Variants in SH3GL2 observed in about 807,000 individuals in gnomAD.
The protein encoded by SH3GL2 is endophilin-A1.
In SH3GL2, 24 loss-of-function variants were observed where a neutral mutation model predicts 46.0. That is an observed-to-expected ratio of 0.52 (90% CI 0.38 to 0.73). The LOEUF is 0.73. Ranked by LOEUF, SH3GL2 falls within the 30% of genes least tolerant of loss-of-function variation. SH3GL2 has a pLI of 0.00. For missense variants in SH3GL2, 413 were observed against 424.2 expected (o/e 0.97, Z 0.23); for synonymous variants, 196 against 147.1 (o/e 1.33, Z -2.40).
intron 1 of SH3GL2, among the ~76,000 whole-genome samples, chr9:17,594,009 G>A (rs149839985): frequency 1.9e-3 from 295 of 152,220 alleles, no homozygotes; most frequent in African/African-American, 6.7e-3. Context: ...AGGTTCTGAC[G>A]TTCTGTGCTT....
intron 3 of SH3GL2, among the ~76,000 whole-genome samples, chr9:17,779,076 AG>A (rs1274569176): frequency 2.6e-5 from 4 of 152,092 alleles, no homozygotes; most frequent in African/African-American, 9.7e-5. Flanking sequence ...TGCCAACTCA[AG>A]GAGGTGATAC....
intron 3 of SH3GL2, among the ~76,000 whole-genome samples, chr9:17,773,866 A>C (rs561919344): frequency 6.6e-6 from 1 of 152,214 alleles, no homozygotes; most frequent in Non-Finnish European, 1.5e-5. Context: ...GATTGCATTG[A>C]ATCTTTAGAT....
chr9:17,645,161 T>TC (rs924111252), intron 1 of SH3GL2, among the ~76,000 whole-genome samples: 3 of 61,744 alleles, frequency 4.9e-5, no homozygotes, highest in African/African-American at 1.8e-4. Context: ...CTTTTTTTTT[T>TC]TTTTTTTTTT....
chr9:17,698,002 C>T (rs972921656), intron 1 of SH3GL2, among the ~76,000 whole-genome samples: 1 of 152,188 alleles, frequency 6.6e-6, no homozygotes, highest in East Asian at 1.9e-4. Context: ...TGTGCTTGTT[C>T]TTATTCATTC....
At chr9:17,709,930 A>G (rs3780229) in intron 1 of SH3GL2, among the ~76,000 whole-genome samples, 3,921 of 151,930 alleles carry the variant, frequency 0.026, 123 homozygotes, top group East Asian at 0.1. Flanking sequence ...AGAAATATAT[A>G]CCATTAACAA....
chr9:17,652,373 C>G (rs1244349463), intron 1 of SH3GL2, among the ~76,000 whole-genome samples: 1 of 151,722 alleles, frequency 6.6e-6, no homozygotes, highest in African/African-American at 2.4e-5. Context: ...TGTGCAGTCT[C>G]TTCTAGTCAT....
intron 1 of SH3GL2, among the ~76,000 whole-genome samples, chr9:17,599,656 C>T (rs1818634160): frequency 6.6e-6 from 1 of 152,094 alleles, no homozygotes; most frequent in African/African-American, 2.4e-5. Flanking sequence ...CACATGGAAA[C>T]CTTTCTTTGA....
At chr9:17,670,956 AC>A (rs1295857590) in intron 1 of SH3GL2, among the ~76,000 whole-genome samples, 3 of 152,190 alleles carry the variant, frequency 2.0e-5, no homozygotes, top group Non-Finnish European at 4.4e-5. Context: ...TTTCTGAAGC[AC>A]CAGGTGATGC....
chr9:17,640,312 C>G (rs1268046184), intron 1 of SH3GL2, among the ~76,000 whole-genome samples: 1 of 151,918 alleles, frequency 6.6e-6, no homozygotes, highest in Non-Finnish European at 1.5e-5. Context: ...CTTATTCTTT[C>G]AGTAGTCATT....
At chr9:17,680,242 G>T (rs1820732753) in intron 1 of SH3GL2, among the ~76,000 whole-genome samples, 1 of 152,278 alleles carries the variant, frequency 6.6e-6, no homozygotes, top group Non-Finnish European at 1.5e-5. Context: ...GAATTCGGCT[G>T]TGAATCTGTC....
intron 1 of SH3GL2, among the ~76,000 whole-genome samples, chr9:17,676,854 G>C (rs1457840691): frequency 2.0e-5 from 3 of 152,062 alleles, no homozygotes; most frequent in Admixed American, 1.3e-4. Context: ...GTTTCTTTTT[G>C]TCCTTTTTAT....
chr9:17,729,521 A>G (rs1450811318), intron 1 of SH3GL2, among the ~76,000 whole-genome samples: 1 of 152,156 alleles, frequency 6.6e-6, no homozygotes, highest in Non-Finnish European at 1.5e-5. Context: ...TGTTTTAGTC[A>G]TGAAGTCTTT....
chr9:17,740,305 T>C (rs1392780876), intron 1 of SH3GL2, among the ~76,000 whole-genome samples: 1 of 152,122 alleles, frequency 6.6e-6, no homozygotes, highest in African/African-American at 2.4e-5. Flanking sequence ...GAAAGACTGC[T>C]GTGAGACATA....
intron 2 of SH3GL2, among the ~76,000 whole-genome samples, chr9:17,752,560 C>T (rs1443398830): frequency 6.6e-6 from 1 of 152,028 alleles, no homozygotes; most frequent in South Asian, 2.1e-4. Context: ...TGTAGTAGCT[C>T]AGTCATAGCT....
At chr9:17,707,124 G>T (rs147227205) in intron 1 of SH3GL2, among the ~76,000 whole-genome samples, 1 of 152,062 alleles carries the variant, frequency 6.6e-6, no homozygotes, top group African/African-American at 2.4e-5. Context: ...TTTTAATCAG[G>T]CAAATTTCTG....
chr9:17,745,665 AG>A (rs34999681), intron 1 of SH3GL2, among the ~76,000 whole-genome samples: 23,412 of 151,962 alleles, frequency 0.15, 2,263 homozygotes, highest in Middle Eastern at 0.25. Flanking sequence ...GGACAGATAG[AG>A]GGGGTAAGCA....
chr9:17,653,992 C>A (rs766947030), intron 1 of SH3GL2: 1 of 237,272 alleles, frequency 4.2e-6, no homozygotes. Flanking sequence ...GTGCTGTATT[C>A]ACACAGCAGC....
chr9:17,675,899 C>A lies in SH3GL2; in HGVS notation c.46-71167C>A, dbSNP rs138669499. 5.4e-3 allele frequency among the ~76,000 whole-genome samples: 827 copies of A among 152,098 alleles called. 10 individuals are homozygous for A. Among genetic ancestry groups the A allele is most frequent in the African/African-American group, 0.019 (787 of 41,488 alleles). ...GGTGGAGGTTGCAGTGAGCTGAGAT[C>A]GCGCCACTGCACTCCAGCCTGGGCG... On this transcript the variant is annotated intron_variant, in intron 1 of 8. Transcript: ENST00000380607.
chr9:17,704,841 A>G (rs1310103274), intron 1 of SH3GL2, among the ~76,000 whole-genome samples: 6 of 152,140 alleles, frequency 3.9e-5, no homozygotes, highest in Non-Finnish European at 8.8e-5. Context: ...CTGGAAGGAT[A>G]ACCTAGGACA....
Sources: allele counts gnomAD v4.1 joint callset (sites outside exome capture counted in the v4.1 genomes callset), GRCh38; gene constraint gnomAD v4.1.1; transcripts MANE v1.5; gene names NCBI Gene and HGNC (gene_info 2026-07-23, HGNC 2026-07-21).